Variants in EXOC2 observed in about 807,000 individuals in gnomAD.
The protein encoded by EXOC2 is SEC5-like 1.
EXOC2 carries 70 observed loss-of-function variants against 131.8 expected under a neutral mutation model. The observed-to-expected ratio is 0.53, with a 90% CI of 0.44 to 0.65. The LOEUF is 0.65. Among genes scored for constraint, EXOC2 ranks in the 30% least tolerant of loss-of-function variants. EXOC2 has a pLI of 0.00. For missense variants in EXOC2, 923 were observed against 1,108.6 expected (o/e 0.83, Z 2.38); for synonymous variants, 411 against 398.4 (o/e 1.03, Z -0.38).
intron 4 of EXOC2, among the ~76,000 whole-genome samples, chr6:622,574 A>T (rs926698984): frequency 6.6e-6 from 1 of 152,228 alleles, no homozygotes; most frequent in African/African-American, 2.4e-5. Flanking sequence ...AAAGTATAAA[A>T]TGCAGACACA....
At chr6:686,238 A>T (rs562751372) in intron 1 of EXOC2, among the ~76,000 whole-genome samples, 58 of 151,630 alleles carry the variant, frequency 3.8e-4, no homozygotes, top group Non-Finnish European at 7.5e-4. Context: ...CTGGGATTAC[A>T]GGTGTGAGCC....
intron 7 of EXOC2, among the ~76,000 whole-genome samples, chr6:607,980 T>A (rs75707811): frequency 0.11 from 16,264 of 151,896 alleles, 1,082 homozygotes; most frequent in Middle Eastern, 0.15. Flanking sequence ...TTGCCCAATT[T>A]AAAAAAAAAT....
intron 20 of EXOC2, among the ~76,000 whole-genome samples, 163 bp from the exon 21 acceptor site, chr6:554,083 C>T (rs1364444734): frequency 6.6e-6 from 1 of 152,044 alleles, no homozygotes; most frequent in African/African-American, 2.4e-5. Context: ...TCTTGTCCCC[C>T]AGGCTGGAGT....
intron 1 of EXOC2, chr6:689,055 T>C (rs187838657): frequency 6.6e-6 from 1 of 152,314 alleles, no homozygotes; most frequent in Non-Finnish European, 1.5e-5. Context: ...GAAAAAAGCC[T>C]TCAACGCTGC....
intron 11 of EXOC2, among the ~76,000 whole-genome samples, chr6:582,782 C>T (rs1167241867): frequency 6.6e-6 from 1 of 151,822 alleles, no homozygotes; most frequent in Non-Finnish European, 1.5e-5. Context: ...TTTTAAAGTC[C>T]TGACAGGGGC....
At chr6:647,615 C>T (rs1363939099) in intron 1 of EXOC2, among the ~76,000 whole-genome samples, 1 of 120,664 alleles carries the variant, frequency 8.3e-6, no homozygotes, top group Admixed American at 1.1e-4. Context: ...TGTGACCGCT[C>T]ACATTCTAAT....
intron 13 of EXOC2, among the ~76,000 whole-genome samples, chr6:570,289 A>G (rs7755808): frequency 0.57 from 87,088 of 151,714 alleles, 25,551 homozygotes; most frequent in East Asian, 0.74. Flanking sequence ...GCCCGCCACC[A>G]CGCCTGGCTA....
At chr6:628,957 C>A (rs543816104) in intron 4 of EXOC2, among the ~76,000 whole-genome samples, 1 of 152,176 alleles carries the variant, frequency 6.6e-6, no homozygotes, top group African/African-American at 2.4e-5. Flanking sequence ...AAGCCCCAGA[C>A]TTTTTCAACA....
chr6:552,197 C>A (rs1757180217), intron 21 of EXOC2, among the ~76,000 whole-genome samples: 1 of 152,238 alleles, frequency 6.6e-6, no homozygotes, highest in Admixed American at 6.5e-5. Flanking sequence ...ATGCTTTAAA[C>A]CCTCCCATGA....
At chr6:556,345 C>A in intron 18 of EXOC2, 139 bp downstream of exon 18, 1 of 889,358 alleles carries the variant, frequency 1.1e-6, no homozygotes. Flanking sequence ...GAAATCAGCA[C>A]ATCTACGCAG....
chr6:690,216 C>T (rs1353861476), intron 1 of EXOC2, among the ~76,000 whole-genome samples: 1 of 152,110 alleles, frequency 6.6e-6, no homozygotes, highest in Admixed American at 6.6e-5. Flanking sequence ...ATGAGCCGAA[C>T]CCGGTGGCAC....
chr6:639,322 GAGC>G (rs1236886489), intron 1 of EXOC2, among the ~76,000 whole-genome samples: 7 of 142,884 alleles, frequency 4.9e-5, no homozygotes, highest in East Asian at 4.3e-4. Flanking sequence ...TTGCCACTGT[GAGC>G]AGGTGTGCAA....
At chr6:528,521 A>G (rs1352959943) in intron 23 of EXOC2, among the ~76,000 whole-genome samples, 1 of 152,228 alleles carries the variant, frequency 6.6e-6, no homozygotes, top group African/African-American at 2.4e-5. Flanking sequence ...ACAGAACTAA[A>G]TAGAGTTTAT....
At chr6:588,546 G>A (rs906864354) in intron 11 of EXOC2, among the ~76,000 whole-genome samples, 3 of 152,106 alleles carry the variant, frequency 2.0e-5, no homozygotes, top group Admixed American at 1.3e-4. Flanking sequence ...GTAGAGACAG[G>A]GTTTCACTAT....
chr6:687,124 G>A (rs1158848583), intron 1 of EXOC2, among the ~76,000 whole-genome samples: 1 of 143,650 alleles, frequency 7.0e-6, no homozygotes, highest in Non-Finnish European at 1.5e-5. Flanking sequence ...TTCCCAGAAA[G>A]ACAGATCACC....
chr6:538,780 T>C (rs553678501), intron 22 of EXOC2, among the ~76,000 whole-genome samples: 2 of 152,282 alleles, frequency 1.3e-5, no homozygotes, highest in Middle Eastern at 3.4e-3. Flanking sequence ...CCACTGTAAG[T>C]AGAAAATATC....
chr6:572,049 AT>A (rs1208721504), intron 13 of EXOC2, among the ~76,000 whole-genome samples: 1 of 152,208 alleles, frequency 6.6e-6, no homozygotes, highest in Non-Finnish European at 1.5e-5. Flanking sequence ...GCTGATAACA[AT>A]GGGGCTAGAC....
At chr6:688,997 C>T (rs762714129) in intron 1 of EXOC2, 2 of 152,068 alleles carry the variant, frequency 1.3e-5, no homozygotes, top group African/African-American at 2.4e-5. Flanking sequence ...ACAAATGAAA[C>T]GAAGGGGCAG....
chr6:616,514 A>G (rs1223092689), intron 6 of EXOC2, among the ~76,000 whole-genome samples: 2 of 144,796 alleles, frequency 1.4e-5, no homozygotes, highest in Non-Finnish European at 3.0e-5. Flanking sequence ...GAGGCAGGAG[A>G]ATGGCGTGAA....
Sources: allele counts gnomAD v4.1 joint callset (sites outside exome capture counted in the v4.1 genomes callset), GRCh38; gene constraint gnomAD v4.1.1; transcripts MANE v1.5; gene names NCBI Gene and HGNC (gene_info 2026-07-23, HGNC 2026-07-21).